Variants in AVL9 observed in about 807,000 individuals in gnomAD.
The protein encoded by AVL9 is AVL9 cell migration associated.
Under a neutral mutation model 79.2 loss-of-function variants are expected in AVL9, and 49 were observed. The ratio of observed to expected loss-of-function variants is 0.62; its 90% CI spans 0.49 to 0.79. The LOEUF is 0.79. Among genes scored for constraint, AVL9 ranks in the 30% least tolerant of loss-of-function variants. The probability of loss-of-function intolerance (pLI) is 0.00; values close to 1 mark genes in which losing one functional copy is unlikely to be tolerated. For missense variants in AVL9, 682 were observed against 776.8 expected, an observed-to-expected ratio of 0.88 and a Z score of 1.45; for synonymous variants, 299 against 280.6, an observed-to-expected ratio of 1.07 and a Z score of -0.65.
chr7:32,570,575 A>G (rs17161428), intron 11 of AVL9, among the ~76,000 whole-genome samples: 31,732 of 152,034 alleles, frequency 0.21, 3,881 homozygotes, highest in African/African-American at 0.32. Flanking sequence ...TGACATCAAT[A>G]TATACGAAAT....
chr7:32,558,752 C>T, intron 9 of AVL9, 124 bp downstream of exon 9: 1 of 980,054 alleles, frequency 1.0e-6, no homozygotes, highest in Non-Finnish European at 1.5e-6. Flanking sequence ...ATGACGTCTT[C>T]CTTTTGGAAA....
chr7:32,579,271 C>T (rs1791240953), intron 13 of AVL9, among the ~76,000 whole-genome samples: 2 of 87,584 alleles, frequency 2.3e-5, no homozygotes, highest in Admixed American at 1.8e-4. Flanking sequence ...TTGCAGAATG[C>T]CTGATTTTAT....
chr7:32,582,075 C>T (rs1371958263), intron 15 of AVL9, among the ~76,000 whole-genome samples: 1 of 152,212 alleles, frequency 6.6e-6, no homozygotes, highest in Non-Finnish European at 1.5e-5. Context: ...TATTGTTCCA[C>T]ATCAGTTCTA....
chr7:32,583,457 G>A (rs1365897234), intron 15 of AVL9, among the ~76,000 whole-genome samples: 1 of 152,152 alleles, frequency 6.6e-6, no homozygotes, highest in African/African-American at 2.4e-5. Flanking sequence ...CAACACTTTG[G>A]GAGGCTGAGG....
At chr7:32,513,424 A>C (rs552863664) in intron 1 of AVL9, among the ~76,000 whole-genome samples, 1 of 152,242 alleles carries the variant, frequency 6.6e-6, no homozygotes, top group African/African-American at 2.4e-5. Context: ...CTTCATCTGC[A>C]TGATAAAACC....
In AVL9 at chr7:32,495,741, TC is replaced by T. The variant is rs1328655094; in HGVS notation, c.37del (p.Arg13GlyfsTer27). 7.9e-7 allele frequency: 1 copy of T among 1,258,740 alleles called. No homozygotes were observed. Among genetic ancestry groups the T allele is most frequent in the Non-Finnish European group, 1.0e-6 (1 of 992,292 alleles). The allele number at this position is 1,258,740 out of a possible 1,614,324, so 78.0% of individuals were successfully genotyped here. A position where few individuals can be genotyped will look rare whatever the true frequency, so the allele number is the denominator to read the frequency against. MEKARRGGDG[V>X]PRGPVLHIVV... ...AAGGCCAGGAGAGGCGGGGATGGCG[TC>T]CCCCGGGGGCCCGTACTGCACATCG... On this transcript the variant is annotated frameshift_variant, in exon 1 of 16. Transcript: ENST00000318709. LOFTEE classifies it high-confidence loss of function.
intron 1 of AVL9, among the ~76,000 whole-genome samples, chr7:32,509,590 A>G (rs1787564573): frequency 6.6e-6 from 1 of 152,162 alleles, no homozygotes; most frequent in South Asian, 2.1e-4. Context: ...ACTAGACAGG[A>G]GAGGAAAGGA....
chr7:32,544,972 A>T (rs1349670228), intron 3 of AVL9, among the ~76,000 whole-genome samples, 193 bp downstream of exon 3: 1 of 152,212 alleles, frequency 6.6e-6, no homozygotes, highest in African/African-American at 2.4e-5. Flanking sequence ...GGCTATGCTT[A>T]TATTTGTATC....
chr7:32,553,721 T>C lies in AVL9; in HGVS notation c.530-6T>C, dbSNP rs1420863815. The C allele has an allele frequency of 6.2e-7, 1 of 1,609,244 alleles. No individual in the cohort carries two copies. The highest frequency in any genetic ancestry group is 2.2e-5 in the East Asian group (1 of 44,810). On this transcript the variant is annotated splice_polypyrimidine_tract_variant and splice_region_variant and intron_variant, in intron 6 of 15. Transcript: ENST00000318709. The stretch of plus-strand genomic sequence containing the variant: ...TCACACTTGAGCTTTTTTGTTAACA[T>C]TGTAGGTCTGTCACCTCGAGATCTT...
At chr7:32,513,666 CTG>C (rs1407823902) in intron 1 of AVL9, among the ~76,000 whole-genome samples, 1 of 152,182 alleles carries the variant, frequency 6.6e-6, no homozygotes, top group African/African-American at 2.4e-5. Context: ...AGACGAGAGA[CTG>C]AGAAAAGAAA....
intron 1 of AVL9, among the ~76,000 whole-genome samples, chr7:32,511,383 A>G (rs1226352705): frequency 1.3e-5 from 2 of 150,588 alleles, no homozygotes; most frequent in East Asian, 2.0e-4. Flanking sequence ...GAGGAAAGCA[A>G]TCTCTCCAGG....
chr7:32,527,035 G>C (rs10274551), intron 1 of AVL9, among the ~76,000 whole-genome samples: 144,072 of 152,168 alleles, frequency 0.95, 68,696 homozygotes, highest in East Asian at 1. Context: ...TCCCTCTAGG[G>C]CCAAGGACTA....
At chr7:32,533,561 G>GA (rs751209598) in intron 1 of AVL9, 3 of 152,206 alleles carry the variant, frequency 2.0e-5, no homozygotes, top group Non-Finnish European at 4.4e-5. Context: ...CAAGAGATAT[G>GA]AGAAAGAAAC....
chr7:32,554,647 C>A, intron 8 of AVL9, 51 bp downstream of exon 8: 2 of 1,199,878 alleles, frequency 1.7e-6, no homozygotes, highest in South Asian at 1.7e-5. Context: ...CTTTTATTCA[C>A]TTTTTTTTAC....
intron 1 of AVL9, among the ~76,000 whole-genome samples, chr7:32,540,609 G>C (rs1422779497): frequency 6.6e-6 from 1 of 151,980 alleles, no homozygotes; most frequent in African/African-American, 2.4e-5. Flanking sequence ...ATTTACTTTT[G>C]GTTTGCTTAA....
intron 1 of AVL9, among the ~76,000 whole-genome samples, chr7:32,511,815 A>G (rs1441340805): frequency 3.3e-5 from 5 of 152,140 alleles, no homozygotes; most frequent in Admixed American, 2.0e-4. Context: ...GACGAGAGCC[A>G]GAAGGAACAG....
intron 4 of AVL9, among the ~76,000 whole-genome samples, chr7:32,550,109 T>G (rs1351528185): frequency 6.6e-6 from 1 of 152,146 alleles, no homozygotes; most frequent in Admixed American, 6.5e-5. Flanking sequence ...GTACCAGATA[T>G]TAAAGGAAGT....
intron 1 of AVL9, among the ~76,000 whole-genome samples, chr7:32,508,077 TTTTC>T (rs1289727650): frequency 5.3e-5 from 8 of 152,242 alleles, no homozygotes; most frequent in Non-Finnish European, 7.3e-5. Context: ...TTGGATTGTC[TTTTC>T]TTTATTTGTT....
rs75268098 is a variant in AVL9, at chr7:32,583,868, C to T, written c.1908C>T (p.Thr636=). 5.8e-3 allele frequency: 9,343 copies of T among 1,614,024 alleles called. 438 individuals carry two copies. The African/African-American group carries it at 0.11, about 18-fold the overall frequency. The change falls in exon 16 of 16, where the codon ACC becomes ACT. Residue 636 remains threonine, a synonymous_variant. Transcript: ENST00000318709. ...SSWLSTFTTS[T]SQSLTEPPDE... is the part of the protein sequence containing the mutation. ...GGCTTTCCACTTTCACCACTTCCAC[C>T]TCCCAAAGTCTCACTGAGCCACCAG...
Sources: gnomAD v4.1 joint callset for allele counts (sites outside exome capture counted in the v4.1 genomes callset) on GRCh38, gnomAD v4.1.1 for gene constraint, MANE v1.5 for transcripts, NCBI Gene and HGNC (gene_info 2026-07-23, HGNC 2026-07-21) for gene names.